Variants in GMDS observed in about 807,000 individuals in gnomAD.
GMDS encodes GDP-mannose 4,6 dehydratase.
In GMDS, 20 loss-of-function variants were observed where a neutral mutation model predicts 49.9. The ratio of observed to expected loss-of-function variants is 0.40; its 90% CI spans 0.28 to 0.58. The LOEUF is 0.58. Ranked by LOEUF, GMDS falls within the 20% of genes least tolerant of loss-of-function variation. The probability of loss-of-function intolerance (pLI) is 0.42; values close to 1 mark genes in which losing one functional copy is unlikely to be tolerated. For synonymous variants in GMDS, 177 were observed against 178.6 expected, an observed-to-expected ratio of 0.99 and a Z score of 0.07; for missense variants, 362 against 481.4, an observed-to-expected ratio of 0.75 and a Z score of 2.32.
chr6:1,783,829 G>GCCATGA (rs1769206169), intron 7 of GMDS, among the ~76,000 whole-genome samples: 1 of 152,092 alleles, frequency 6.6e-6, no homozygotes, highest in Non-Finnish European at 1.5e-5. Flanking sequence ...ATACTAAAAG[G>GCCATGA]CCATGAGGCT....
intron 9 of GMDS, 146 bp downstream of exon 9, chr6:1,726,270 G>A (rs1309001778): frequency 1.6e-6 from 1 of 633,920 alleles, no homozygotes; most frequent in East Asian, 2.6e-5. Flanking sequence ...TGAATTCACT[G>A]TGTTCTGATT....
chr6:1,909,224 G>A (rs1384947316), intron 7 of GMDS, among the ~76,000 whole-genome samples: 1 of 152,176 alleles, frequency 6.6e-6, no homozygotes, highest in Non-Finnish European at 1.5e-5. Flanking sequence ...CCCAGAGAAA[G>A]GTGCAGCTAA....
At chr6:1,737,743 C>CACACACACAT (rs1443111423) in intron 8 of GMDS, among the ~76,000 whole-genome samples, 5 of 126,696 alleles carry the variant, frequency 3.9e-5, no homozygotes, top group African/African-American at 1.3e-4. Context: ...CACACACATA[C>CACACACACAT]ACATACACAT....
In GMDS at chr6:1,743,385, C is replaced by CA. The variant is rs545641147; in HGVS notation, c.772-800dup. On this transcript the variant is annotated intron_variant, in intron 7 of 10. Transcript: ENST00000380815. Reference sequence around the variant, plus strand: ...GGAAACCCCGTCTCTACTAAAAATACAAAAAAAATTAGCCGGGCGTGGTGG... The same window carrying CA: ...GGAAACCCCGTCTCTACTAAAAATACAAAAAAAAATTAGCCGGGCGTGGTGG... Among the ~76,000 whole-genome samples, 375 of 120,404 alleles carry CA rather than the reference C, an allele frequency of 3.1e-3. 2 individuals are homozygous for CA. Among genetic ancestry groups the CA allele is most frequent in the African/African-American group, 9.9e-3 (362 of 36,642 alleles). 79.0% of individuals were successfully genotyped at this position (120,404 alleles called of 152,430 possible).
intron 7 of GMDS, among the ~76,000 whole-genome samples, chr6:1,831,066 T>C (rs1429441974): frequency 4.6e-5 from 7 of 152,264 alleles, no homozygotes; most frequent in Admixed American, 3.9e-4. Context: ...CAAATCAGAA[T>C]GATCCAGCAG....
At chr6:1,885,367 T>C (rs1320923726) in intron 7 of GMDS, among the ~76,000 whole-genome samples, 1 of 152,218 alleles carries the variant, frequency 6.6e-6, no homozygotes, top group African/African-American at 2.4e-5. Flanking sequence ...TGCTTGTTTA[T>C]CTTTATCATA....
chr6:2,160,254 C>T (rs188989468), intron 1 of GMDS, among the ~76,000 whole-genome samples: 1 of 152,248 alleles, frequency 6.6e-6, no homozygotes, highest in African/African-American at 2.4e-5. Flanking sequence ...GAGTGAAGTT[C>T]GGATAACAAT....
At chr6:1,983,930 G>A (rs185203041) in intron 4 of GMDS, among the ~76,000 whole-genome samples, 10 of 152,236 alleles carry the variant, frequency 6.6e-5, no homozygotes, top group African/African-American at 2.4e-4. Flanking sequence ...CGTATGTTCA[G>A]TGCAGCACTA....
At chr6:1,631,708 T>G (rs577348925) in intron 9 of GMDS, among the ~76,000 whole-genome samples, 2 of 152,122 alleles carry the variant, frequency 1.3e-5, no homozygotes, top group Non-Finnish European at 2.9e-5. Flanking sequence ...CGTAACAGGG[T>G]CATTCAAACA....
At chr6:1,630,650 T>G (rs541396654) in intron 9 of GMDS, among the ~76,000 whole-genome samples, 1 of 152,362 alleles carries the variant, frequency 6.6e-6, no homozygotes, top group East Asian at 1.9e-4. Context: ...GAAATAACCA[T>G]ATAAGACTTT....
chr6:1,992,645 C>T (rs772605545), intron 4 of GMDS, among the ~76,000 whole-genome samples: 14 of 125,134 alleles, frequency 1.1e-4, no homozygotes, highest in African/African-American at 3.7e-4. Flanking sequence ...ACACTGCCTC[C>T]GCCCTAGCAC....
chr6:1,911,768 T>C (rs976219257), intron 7 of GMDS, among the ~76,000 whole-genome samples: 1 of 152,202 alleles, frequency 6.6e-6, no homozygotes, highest in Non-Finnish European at 1.5e-5. Flanking sequence ...TAACTTTTAT[T>C]AGCCTCAATT....
At chr6:1,692,508 C>T (rs1765209581) in intron 9 of GMDS, among the ~76,000 whole-genome samples, 1 of 152,222 alleles carries the variant, frequency 6.6e-6, no homozygotes, top group Non-Finnish European at 1.5e-5. Flanking sequence ...CTGTCCTCCC[C>T]TCCTTTTTGG....
chr6:2,072,344 T>C (rs17134651), intron 4 of GMDS, among the ~76,000 whole-genome samples: 28,226 of 152,190 alleles, frequency 0.19, 2,974 homozygotes, highest in Admixed American at 0.22. Context: ...TCGTGAATAT[T>C]TGAAGAAAAG....
intron 7 of GMDS, among the ~76,000 whole-genome samples, chr6:1,745,133 T>A (rs1767433742): frequency 1.3e-5 from 2 of 152,268 alleles, no homozygotes; most frequent in African/African-American, 4.8e-5. Context: ...TACACTTTAA[T>A]GTGTTTGACT....
intron 7 of GMDS, among the ~76,000 whole-genome samples, chr6:1,884,170 C>T (rs1759492564): frequency 6.6e-6 from 1 of 152,152 alleles, no homozygotes; most frequent in Non-Finnish European, 1.5e-5. Flanking sequence ...TCCCAAGTAC[C>T]CAATCAAATA....
At chr6:1,739,755 G>C (rs1327928848) in intron 8 of GMDS, among the ~76,000 whole-genome samples, 1 of 152,222 alleles carries the variant, frequency 6.6e-6, no homozygotes, top group African/African-American at 2.4e-5. Flanking sequence ...AGCAGCTGAG[G>C]GATGGAGGCA....
chr6:1,753,752 T>C lies in GMDS; in HGVS notation c.772-11166A>G, dbSNP rs942718256. Reference sequence around the variant, plus strand: ...ACGCACTCAAAACCACACAAATATATGGAAACTGAACAACCTGCTCCTGAA... The same window carrying C: ...ACGCACTCAAAACCACACAAATATACGGAAACTGAACAACCTGCTCCTGAA... On this transcript the variant is annotated intron_variant, in intron 7 of 10. Coordinates refer to ENST00000380815, the MANE Select transcript of GMDS (RefSeq NM_001500.4). Among the ~76,000 whole-genome samples the C allele has an allele frequency of 3.3e-5, 5 of 152,248 alleles. No individual in the cohort carries two copies. The East Asian group carries it at 5.8e-4, about 18-fold the overall frequency.
chr6:2,093,779 CAAA>C (rs760702286), intron 4 of GMDS, among the ~76,000 whole-genome samples: 1 of 136,290 alleles, frequency 7.3e-6, no homozygotes, highest in Non-Finnish European at 1.6e-5. Context: ...AGAAAAGCAG[CAAA>C]AAAAAAAAGA....
Sources: allele counts gnomAD v4.1 joint callset (sites outside exome capture counted in the v4.1 genomes callset), GRCh38; gene constraint gnomAD v4.1.1; transcripts MANE v1.5; gene names NCBI Gene and HGNC (gene_info 2026-07-23, HGNC 2026-07-21).